Variants in C8orf34 observed in about 807,000 individuals in gnomAD.
The protein encoded by C8orf34 is chromosome 8 open reading frame 34, also known as uncharacterized protein C8orf34.
C8orf34 carries 65 observed loss-of-function variants against 68.3 expected under a neutral mutation model. That is an observed-to-expected ratio of 0.95 (90% CI 0.78 to 1.17). The LOEUF is 1.17. Ranked by LOEUF, C8orf34 falls within the 50% of genes most tolerant of loss-of-function variation. The pLI is 0.00. For synonymous variants in C8orf34, 244 were observed against 241.2 expected (o/e 1.01, Z -0.11); for missense variants, 664 against 655.4 (o/e 1.01, Z -0.14).
intron 1 of C8orf34, among the ~76,000 whole-genome samples, chr8:68,390,794 T>G (rs1808449744): frequency 6.6e-6 from 1 of 152,050 alleles, no homozygotes; most frequent in Admixed American, 6.6e-5. Flanking sequence ...CAATAGAGAG[T>G]TATTTTAAGG....
intron 8 of C8orf34, among the ~76,000 whole-genome samples, chr8:68,662,475 G>A (rs1819709964): frequency 6.6e-6 from 1 of 152,228 alleles, no homozygotes. Flanking sequence ...AATCATGGGG[G>A]AAGTTTCCCC....
chr8:68,426,730 G>A (rs551345534), intron 1 of C8orf34, among the ~76,000 whole-genome samples: 1 of 151,896 alleles, frequency 6.6e-6, no homozygotes, highest in Admixed American at 6.5e-5. Flanking sequence ...TTAGCTGGGT[G>A]TGGTGGTGGG....
At chr8:68,472,162 T>C (rs954160256) in intron 4 of C8orf34, among the ~76,000 whole-genome samples, 1 of 152,154 alleles carries the variant, frequency 6.6e-6, no homozygotes, top group Non-Finnish European at 1.5e-5. Flanking sequence ...GTTAGAATGA[T>C]TCCAACAGTG....
chr8:68,810,813 C>T (rs1824628128), intron 12 of C8orf34, among the ~76,000 whole-genome samples: 1 of 152,122 alleles, frequency 6.6e-6, no homozygotes, highest in African/African-American at 2.4e-5. Flanking sequence ...GACAGGTGGT[C>T]CCGACATTTG....
chr8:68,382,327 G>A (rs187781195), intron 1 of C8orf34, among the ~76,000 whole-genome samples: 2 of 150,880 alleles, frequency 1.3e-5, no homozygotes, highest in East Asian at 2.0e-4. Context: ...TCTTGACAGT[G>A]TTATAGGTTG....
intron 1 of C8orf34, 88 bp from the exon 2 acceptor site, chr8:68,439,411 A>G (rs73260794): frequency 0.036 from 45,757 of 1,278,298 alleles, 1,167 homozygotes; most frequent in African/African-American, 0.11. Flanking sequence ...TTAGACCAGT[A>G]CCTGACAATA....
At chr8:68,544,153 T>G (rs1183165806) in intron 7 of C8orf34, among the ~76,000 whole-genome samples, 1 of 152,104 alleles carries the variant, frequency 6.6e-6, no homozygotes, top group African/African-American at 2.4e-5. Flanking sequence ...GGGGTGCTCC[T>G]CTTGGGTTCG....
intron 7 of C8orf34, among the ~76,000 whole-genome samples, chr8:68,592,527 G>T (rs796855513): frequency 2.7e-5 from 4 of 147,396 alleles, no homozygotes; most frequent in African/African-American, 1.0e-4. Flanking sequence ...TTCTAATTTT[G>T]TGTTACTTCT....
At chr8:68,672,174 G>C (rs1257515487) in intron 8 of C8orf34, among the ~76,000 whole-genome samples, 1 of 147,830 alleles carries the variant, frequency 6.8e-6, no homozygotes, top group African/African-American at 2.5e-5. Context: ...ATGGAGGCAA[G>C]GGGGAAGGAT....
intron 1 of C8orf34, among the ~76,000 whole-genome samples, chr8:68,425,780 T>C (rs1442959605): frequency 6.7e-6 from 1 of 148,654 alleles, no homozygotes; most frequent in East Asian, 1.9e-4. Flanking sequence ...TTTCAAAGGA[T>C]AAGATATGAC....
chr8:68,392,398 A>G (rs1427731701), intron 1 of C8orf34, among the ~76,000 whole-genome samples: 2 of 151,922 alleles, frequency 1.3e-5, no homozygotes, highest in Non-Finnish European at 2.9e-5. Flanking sequence ...TTTCTTAGCA[A>G]TGTCCTATTT....
intron 7 of C8orf34, 139 bp from the exon 8 acceptor site, chr8:68,640,237 A>G (rs1486107056): frequency 1.0e-5 from 7 of 682,488 alleles, no homozygotes; most frequent in Non-Finnish European, 1.7e-5. Flanking sequence ...AATAATTGAT[A>G]TATGTAGTTA....
At chr8:68,793,895 A>G (rs1179811996) in intron 12 of C8orf34, among the ~76,000 whole-genome samples, 1 of 152,196 alleles carries the variant, frequency 6.6e-6, no homozygotes, top group African/African-American at 2.4e-5. Context: ...AATGAGGGGG[A>G]GAAAAATATG....
At chr8:68,812,991 C>T (rs1563683823) in intron 12 of C8orf34, among the ~76,000 whole-genome samples, 1 of 152,180 alleles carries the variant, frequency 6.6e-6, no homozygotes, top group Non-Finnish European at 1.5e-5. Flanking sequence ...TTGCAATGAA[C>T]ATGGTGCATC....
In C8orf34 at chr8:68,345,255, A is replaced by T. The variant is rs143938362; in HGVS notation, c.327+13916A>T. 7.9e-3 allele frequency among the ~76,000 whole-genome samples: 1,194 copies of T among 152,092 alleles called. 19 individuals are homozygous for T. The highest frequency in any genetic ancestry group is 0.026 in the African/African-American group (1,099 of 41,562). On this transcript the variant is annotated intron_variant, in intron 1 of 13. Coordinates refer to ENST00000518698, the MANE Select transcript of C8orf34 (RefSeq NM_052958.4). ...TATTTACTAATAAAATAACAATGAG[A>T]CAATTGATATTGCATTGCTAGTATC...
At position 68,533,257 on chromosome 8, in the gene C8orf34, A is replaced by G. The variant is rs1400600818; in HGVS notation, c.1105+108A>G. The G allele has an allele frequency of 4.9e-6, 7 of 1,432,552 alleles. 1 individual carries two copies. The highest frequency in any genetic ancestry group is 4.2e-4 in the Middle Eastern group (2 of 4,754). 88.7% of individuals were successfully genotyped at this position (1,432,552 alleles called of 1,614,324 possible). ...TTTGAATAGCCTTGTCTTAGGGAAAAGAAACCATTTAGTACATATTTTATT... is the reference window on the plus strand; with the variant it reads ...TTTGAATAGCCTTGTCTTAGGGAAAGGAAACCATTTAGTACATATTTTATT... On this transcript the variant is annotated intron_variant, in intron 7 of 13. Transcript: ENST00000518698.
intron 1 of C8orf34, among the ~76,000 whole-genome samples, chr8:68,423,222 T>A (rs1004546050): frequency 5.3e-5 from 8 of 152,126 alleles, no homozygotes; most frequent in Admixed American, 6.6e-5. Flanking sequence ...GTCTGCAAAT[T>A]TTCTAAGCTT....
At chr8:68,515,107 C>T (rs1046247653) in intron 5 of C8orf34, among the ~76,000 whole-genome samples, 1 of 152,052 alleles carries the variant, frequency 6.6e-6, no homozygotes, top group Non-Finnish European at 1.5e-5. Flanking sequence ...TCATTTCATG[C>T]TATATATGTA....
chr8:68,410,739 T>G (rs1187565824), intron 1 of C8orf34, among the ~76,000 whole-genome samples: 2 of 152,182 alleles, frequency 1.3e-5, no homozygotes, highest in Non-Finnish European at 2.9e-5. Context: ...TTCTTGGAGT[T>G]CAATACCATT....
Sources: gnomAD v4.1 joint callset for allele counts (sites outside exome capture counted in the v4.1 genomes callset) on GRCh38, gnomAD v4.1.1 for gene constraint, MANE v1.5 for transcripts, NCBI Gene and HGNC (gene_info 2026-07-23, HGNC 2026-07-21) for gene names.